Variants in GPC6 observed in about 807,000 individuals in gnomAD.
GPC6 encodes glypican-6.
In GPC6, 14 loss-of-function variants were observed where a neutral mutation model predicts 55.2. The observed-to-expected ratio is 0.25, with a 90% CI of 0.17 to 0.40. The LOEUF (loss-of-function observed/expected upper bound fraction) is 0.40, where lower values mean the gene tolerates loss of function less well. GPC6 is among the 10% of genes least tolerant of loss of function. The probability of loss-of-function intolerance (pLI) is 1.00; values close to 1 mark genes in which losing one functional copy is unlikely to be tolerated. For synonymous variants in GPC6, 278 were observed against 259.6 expected (o/e 1.07, Z -0.68); for missense variants, 641 against 708.5 (o/e 0.90, Z 1.08).
chr13:93,533,901 A>T (rs1023671910), intron 1 of GPC6, among the ~76,000 whole-genome samples: 5 of 152,152 alleles, frequency 3.3e-5, no homozygotes, highest in African/African-American at 1.2e-4. Context: ...CCCCTTCAGG[A>T]TCACTAACTG....
At chr13:93,597,931 G>T (rs573334824) in intron 2 of GPC6, among the ~76,000 whole-genome samples, 1 of 152,148 alleles carries the variant, frequency 6.6e-6, no homozygotes, top group South Asian at 2.1e-4. Flanking sequence ...GGACCAGGAG[G>T]TCAGGAGATC....
chr13:93,389,175 A>G (rs1175537494), intron 1 of GPC6, among the ~76,000 whole-genome samples: 1 of 152,052 alleles, frequency 6.6e-6, no homozygotes, highest in African/African-American at 2.4e-5. Flanking sequence ...AGAAATACTA[A>G]TTACTGCTAG....
chr13:93,995,744 A>C (rs997123006), intron 3 of GPC6, among the ~76,000 whole-genome samples: 1 of 152,242 alleles, frequency 6.6e-6, no homozygotes, highest in Non-Finnish European at 1.5e-5. Context: ...AATTTTATAA[A>C]GATACCTTCT....
chr13:94,351,471 C>T (rs558924802), intron 6 of GPC6, among the ~76,000 whole-genome samples: 1 of 152,188 alleles, frequency 6.6e-6, no homozygotes, highest in Non-Finnish European at 1.5e-5. Flanking sequence ...TAGGAAAGAA[C>T]TTGAATAACG....
chr13:93,973,579 TG>T (rs1408249656), intron 3 of GPC6, among the ~76,000 whole-genome samples: 6 of 152,152 alleles, frequency 3.9e-5, no homozygotes, highest in Non-Finnish European at 2.9e-5. Context: ...TTTTGTTTTG[TG>T]GTGAGACAAC....
At chr13:93,824,063 C>T (rs1264881350) in intron 2 of GPC6, among the ~76,000 whole-genome samples, 2 of 152,018 alleles carry the variant, frequency 1.3e-5, no homozygotes, top group African/African-American at 2.4e-5. Context: ...TATATAATTT[C>T]AACCTCAAAA....
rs144017532 is a variant in GPC6 at position 93,393,399 on chromosome 13, C to T, written c.161-151864C>T. Among the ~76,000 whole-genome samples, 30 of 152,006 alleles carry T rather than the reference C, an allele frequency of 2.0e-4. No homozygotes were observed. The East Asian group carries it at 4.1e-3, about 21-fold the overall frequency. On this transcript the variant is annotated intron_variant, in intron 1 of 8. Coordinates refer to ENST00000377047, the MANE Select transcript of GPC6 (RefSeq NM_005708.5). ...GTGATCGTGATCTGCCCACCTCGGC[C>T]GCAGAAAGTGATGGGATTACAGGAG...
intron 5 of GPC6, among the ~76,000 whole-genome samples, chr13:94,300,190 AC>A (rs1875571331): frequency 6.6e-6 from 1 of 152,142 alleles, no homozygotes; most frequent in Admixed American, 6.5e-5. Flanking sequence ...GACGGGATTT[AC>A]CTGCAGCCAC....
intron 1 of GPC6, among the ~76,000 whole-genome samples, chr13:93,375,228 A>G (rs1330627814): frequency 6.6e-6 from 1 of 152,194 alleles, no homozygotes; most frequent in African/African-American, 2.4e-5. Context: ...AACTCATAAG[A>G]CCAAACAAAA....
At chr13:94,394,441 GC>G in intron 7 of GPC6, among the ~76,000 whole-genome samples, 1 of 152,200 alleles carries the variant, frequency 6.6e-6, no homozygotes, top group Non-Finnish European at 1.5e-5. Context: ...ATATGATGGT[GC>G]AAAAACAGGA....
chr13:93,574,600 A>G (rs1876568246), intron 2 of GPC6, among the ~76,000 whole-genome samples: 1 of 152,170 alleles, frequency 6.6e-6, no homozygotes, highest in African/African-American at 2.4e-5. Flanking sequence ...TAAAAATGCA[A>G]CCATTTGAAG....
At chr13:93,818,963 G>T (rs1336999883) in intron 2 of GPC6, among the ~76,000 whole-genome samples, 2 of 152,132 alleles carry the variant, frequency 1.3e-5, no homozygotes, top group African/African-American at 2.4e-5. Context: ...AATCTTGGCT[G>T]CACACTGGGA....
Position 93,274,032 on chromosome 13 carries a change from T to C in GPC6, c.160+46416T>C, listed in dbSNP as rs185150664. Among the ~76,000 whole-genome samples the C allele has an allele frequency of 4.7e-3, 708 of 152,122 alleles. 7 individuals are homozygous for C. The highest frequency in any genetic ancestry group is 0.016 in the African/African-American group (672 of 41,514). On this transcript the variant is annotated intron_variant, in intron 1 of 8. Transcript: ENST00000377047. ...CATGTTGGCCAGGCTGGTCTTGAAC[T>C]CCTGACCTCGTGATCCACCCGCCAT... is the stretch of plus-strand genomic sequence containing the variant.
chr13:93,243,291 A>G (rs749635384), intron 1 of GPC6, among the ~76,000 whole-genome samples: 7 of 152,122 alleles, frequency 4.6e-5, no homozygotes, highest in Non-Finnish European at 7.4e-5. Context: ...GAACTTTCCA[A>G]TGGGCTCCAA....
intron 4 of GPC6, among the ~76,000 whole-genome samples, chr13:94,274,412 T>C (rs1398448966): frequency 2.0e-5 from 3 of 152,238 alleles, no homozygotes; most frequent in Non-Finnish European, 4.4e-5. Context: ...GTCCCTGTTT[T>C]ATTTTTGAAT....
intron 3 of GPC6, among the ~76,000 whole-genome samples, chr13:93,929,763 A>C (rs763366569): frequency 6.6e-6 from 1 of 152,056 alleles, no homozygotes; most frequent in African/African-American, 2.4e-5. Context: ...GATTAAATTA[A>C]TTTAAATAAT....
chr13:94,071,609 C>T (rs1884738534), intron 4 of GPC6, among the ~76,000 whole-genome samples: 1 of 152,150 alleles, frequency 6.6e-6, no homozygotes, highest in Non-Finnish European at 1.5e-5. Context: ...GTTCCATGGC[C>T]TGGAATATAA....
chr13:93,525,991 G>A (rs1385494112), intron 1 of GPC6, among the ~76,000 whole-genome samples: 1 of 152,050 alleles, frequency 6.6e-6, no homozygotes, highest in East Asian at 1.9e-4. Context: ...AAAGTGCATT[G>A]TTTGTTTAAC....
chr13:94,095,682 C>T (rs533898887), intron 4 of GPC6, among the ~76,000 whole-genome samples: 8 of 151,994 alleles, frequency 5.3e-5, no homozygotes, highest in Non-Finnish European at 8.8e-5. Context: ...AGTTTGTTAA[C>T]GAAAGAGTCA....
Sources: gnomAD v4.1 joint callset for allele counts (sites outside exome capture counted in the v4.1 genomes callset) on GRCh38, gnomAD v4.1.1 for gene constraint, MANE v1.5 for transcripts, NCBI Gene and HGNC (gene_info 2026-07-23, HGNC 2026-07-21) for gene names.